The following XKR6 variants were observed in gnomAD, a reference collection of about 807,000 sequenced individuals.
XKR6 encodes the protein XK related 6.
A neutral mutation model predicts 56.7 loss-of-function variants in XKR6; 22 were observed. The observed-to-expected ratio is 0.39, with a 90% CI of 0.28 to 0.55. The LOEUF is 0.55. Ranked by LOEUF, XKR6 falls within the 20% of genes least tolerant of loss-of-function variation. The pLI is 0.66. For synonymous variants in XKR6, 524 were observed against 387.8 expected (o/e 1.35, Z -4.13); for missense variants, 852 against 889.0 (o/e 0.96, Z 0.53).
chr8:10,951,991 G>A (rs1319686438), intron 1 of XKR6, among the ~76,000 whole-genome samples: 1 of 152,172 alleles, frequency 6.6e-6, no homozygotes, highest in African/African-American at 2.4e-5. Context: ...AAAAAGCCAG[G>A]ATCAGCAGGG....
At chr8:11,139,494 G>C (rs1007256535) in intron 1 of XKR6, among the ~76,000 whole-genome samples, 2 of 152,114 alleles carry the variant, frequency 1.3e-5, no homozygotes, top group African/African-American at 2.4e-5. Flanking sequence ...CTGCTACTAG[G>C]AGGGATCTGG....
chr8:11,010,705 G>C (rs868700155), intron 1 of XKR6, among the ~76,000 whole-genome samples: 1 of 151,950 alleles, frequency 6.6e-6, no homozygotes, highest in South Asian at 2.1e-4. Flanking sequence ...CCAGTTCCAA[G>C]ATTCGTGCTT....
chr8:11,105,770 A>T (rs1325491200), intron 1 of XKR6: 1 of 152,234 alleles, frequency 6.6e-6, no homozygotes, highest in East Asian at 1.9e-4. Flanking sequence ...CCCAACCTCA[A>T]GCACTTGGTA....
At chr8:10,981,718 T>C (rs936635430) in intron 1 of XKR6, among the ~76,000 whole-genome samples, 1 of 152,242 alleles carries the variant, frequency 6.6e-6, no homozygotes, top group Admixed American at 6.5e-5. Flanking sequence ...AAACTTGGTC[T>C]AATGACTTAA....
At chr8:10,931,098 G>C (rs1024645326) in intron 1 of XKR6, among the ~76,000 whole-genome samples, 2 of 152,154 alleles carry the variant, frequency 1.3e-5, no homozygotes, top group Non-Finnish European at 2.9e-5. Context: ...TCACAATACA[G>C]GGTCAGCCTG....
rs905865631 is a variant in XKR6, at chr8:10,898,164, T to A, written c.1714A>T (p.Thr572Ser). The A allele has an allele frequency of 3.5e-5, 56 of 1,613,714 alleles. No homozygotes were observed. The highest frequency in any genetic ancestry group is 4.6e-5 in the Non-Finnish European group (54 of 1,179,898). Reference protein sequence around the residue: ...VFQVRPMGPPTPLGRPYLPEG... With the variant: ...VFQVRPMGPPSPLGRPYLPEG... ...GGGAGGTAAGGACGCCCCAACGGGG[T>A]AGGGGGCCCCATGGGTCTCACTTGG... Residue 572 changes from threonine (T) to serine (S), a missense_variant, in exon 3 of 3, where the codon ACC (threonine) becomes TCC (serine). Thr to Ser is a moderately conservative substitution (Grantham distance 58). This residue lies in a region of XKR6 where 197 missense variants were observed against 190.9 expected (regional missense o/e 1.03). Transcript: ENST00000416569. This position sits in a 1 kb window ranked among gnomAD's most constrained non-coding sequence, Gnocchi z 6.6.
chr8:11,151,701 T>C (rs1563177622), intron 1 of XKR6, among the ~76,000 whole-genome samples: 1 of 152,020 alleles, frequency 6.6e-6, no homozygotes, highest in Non-Finnish European at 1.5e-5. Flanking sequence ...ACAAGTTTTT[T>C]TTTTTTTTAA....
At chr8:11,193,889 T>C (rs1803723145) in intron 1 of XKR6, among the ~76,000 whole-genome samples, 1 of 152,004 alleles carries the variant, frequency 6.6e-6, no homozygotes, top group South Asian at 2.1e-4. Flanking sequence ...TACTGAAAAA[T>C]ATAGTTTAAT....
intron 1 of XKR6, among the ~76,000 whole-genome samples, chr8:11,100,848 G>A (rs942605697): frequency 2.0e-5 from 3 of 152,170 alleles, no homozygotes; most frequent in African/African-American, 7.2e-5. Context: ...TGTTGGCGTT[G>A]GCCTCCGAGT....
intron 1 of XKR6, among the ~76,000 whole-genome samples, chr8:11,004,661 T>A (rs1798324777): frequency 6.6e-6 from 1 of 152,162 alleles, no homozygotes; most frequent in Admixed American, 6.6e-5. Flanking sequence ...AAAAATTATA[T>A]CTATGAGCCA....
rs116455152 is a variant in XKR6 at position 11,143,665 on chromosome 8, G to A, written c.764+56911C>T. Among the ~76,000 whole-genome samples the A allele has an allele frequency of 2.3e-3, 343 of 152,280 alleles. 1 individual carries two copies. Among genetic ancestry groups the A allele is most frequent in the African/African-American group, 8.0e-3 (332 of 41,534 alleles). On this transcript the variant is annotated intron_variant, in intron 1 of 2. Coordinates refer to ENST00000416569, the MANE Select transcript of XKR6 (RefSeq NM_173683.4). ...CAACTACTAGGAAAATCAGAAGAGT[G>A]GTTACTTTGGAGGAAGGGAAGGGAT...
intron 1 of XKR6, among the ~76,000 whole-genome samples, chr8:11,189,784 C>A (rs1290672145): frequency 6.6e-6 from 1 of 152,186 alleles, no homozygotes; most frequent in East Asian, 1.9e-4. Flanking sequence ...CATCCCAGAT[C>A]TCTTGGATTA....
At chr8:11,139,302 C>G (rs1024577128) in intron 1 of XKR6, among the ~76,000 whole-genome samples, 1 of 152,100 alleles carries the variant, frequency 6.6e-6, no homozygotes, top group Non-Finnish European at 1.5e-5. Flanking sequence ...TCATTTCTTA[C>G]GTAACTCAAA....
intron 1 of XKR6, among the ~76,000 whole-genome samples, chr8:10,926,084 C>A (rs552667260): frequency 6.6e-6 from 1 of 152,148 alleles, no homozygotes; most frequent in Non-Finnish European, 1.5e-5. Flanking sequence ...CTACTGTGCC[C>A]TTTGAAATGC....
intron 1 of XKR6, among the ~76,000 whole-genome samples, chr8:10,983,697 C>G (rs901816474): frequency 6.6e-6 from 1 of 151,780 alleles, no homozygotes; most frequent in African/African-American, 2.4e-5. Context: ...ACTCTGTCAC[C>G]CAGGCTGGAG....
At chr8:11,082,053 A>G (rs543577534) in intron 1 of XKR6, among the ~76,000 whole-genome samples, 1 of 152,220 alleles carries the variant, frequency 6.6e-6, no homozygotes, top group Non-Finnish European at 1.5e-5. Context: ...GCTAGCAGTC[A>G]GACCAGGCTG....
chr8:10,924,131 T>C (rs1652119331), intron 2 of XKR6, among the ~76,000 whole-genome samples: 1 of 152,244 alleles, frequency 6.6e-6, no homozygotes, highest in South Asian at 2.1e-4. Flanking sequence ...TGCTGGAACT[T>C]GAACAGAGCT....
At chr8:11,145,592 T>A (rs1474173073) in intron 1 of XKR6, among the ~76,000 whole-genome samples, 1 of 152,080 alleles carries the variant, frequency 6.6e-6, no homozygotes, top group Non-Finnish European at 1.5e-5. Context: ...AAATAGAAAT[T>A]AATAGGACAA....
At chr8:11,028,074 C>A (rs1412959970) in intron 1 of XKR6, among the ~76,000 whole-genome samples, 1 of 152,006 alleles carries the variant, frequency 6.6e-6, no homozygotes, top group Non-Finnish European at 1.5e-5. Flanking sequence ...TATTAACATA[C>A]AGAGCAGTTT....
Sources: gnomAD v4.1 joint callset for allele counts (sites outside exome capture counted in the v4.1 genomes callset) on GRCh38, gnomAD v4.1.1 for gene constraint, gnomAD v4.1.1 regional missense constraint, Gnocchi (gnomAD v3.1) non-coding constraint, MANE v1.5 for transcripts, NCBI Gene and HGNC (gene_info 2026-07-23, HGNC 2026-07-21) for gene names.